Variants in NCAM2 observed in about 807,000 individuals in gnomAD.
NCAM2 encodes N-CAM-2.
Under a neutral mutation model 98.1 loss-of-function variants are expected in NCAM2, and 30 were observed. The observed-to-expected ratio is 0.31, with a 90% CI of 0.23 to 0.41. NCAM2 has a LOEUF of 0.41. Ranked by LOEUF, NCAM2 falls within the 10% of genes least tolerant of loss-of-function variation. The pLI is 1.00. For missense variants in NCAM2, 867 were observed against 1,005.8 expected (o/e 0.86, Z 1.87); for synonymous variants, 368 against 342.4 (o/e 1.07, Z -0.83).
chr21:21,008,288 G>A (rs1161359208), intron 1 of NCAM2, among the ~76,000 whole-genome samples: 2 of 152,080 alleles, frequency 1.3e-5, no homozygotes, highest in African/African-American at 4.8e-5. Context: ...CTGGCTTCAT[G>A]CTACTTATTC....
chr21:21,178,438 A>G (rs2068364666), intron 1 of NCAM2, among the ~76,000 whole-genome samples: 2 of 152,060 alleles, frequency 1.3e-5, no homozygotes, highest in South Asian at 4.1e-4. Context: ...TTCCTCTACA[A>G]TTTTTAATTT....
intron 12 of NCAM2, among the ~76,000 whole-genome samples, chr21:21,453,903 T>C (rs895011749): frequency 2.0e-5 from 3 of 152,058 alleles, no homozygotes; most frequent in East Asian, 1.9e-4. Flanking sequence ...GTTTCTTTCT[T>C]CGGTATGGTG....
At chr21:21,256,104 T>TGGGCGC (rs1359355960) in intron 1 of NCAM2, among the ~76,000 whole-genome samples, 2 of 152,078 alleles carry the variant, frequency 1.3e-5, no homozygotes, top group Admixed American at 6.6e-5. Context: ...CCTGTAATCC[T>TGGGCGC]AGCACTTTGG....
intron 12 of NCAM2, among the ~76,000 whole-genome samples, chr21:21,450,120 C>G (rs1031090335): frequency 1.3e-5 from 2 of 151,886 alleles, no homozygotes; most frequent in Non-Finnish European, 1.5e-5. Context: ...GATCAATCAT[C>G]AGGGTACACA....
chr21:21,368,957 T>C (rs189938436), intron 8 of NCAM2, among the ~76,000 whole-genome samples: 1 of 152,012 alleles, frequency 6.6e-6, no homozygotes, highest in African/African-American at 2.4e-5. Context: ...ATATTTACCT[T>C]TTCACAGTGT....
chr21:21,309,082 G>C, intron 5 of NCAM2, among the ~76,000 whole-genome samples: 1 of 152,098 alleles, frequency 6.6e-6, no homozygotes, highest in East Asian at 1.9e-4. Flanking sequence ...CTTTCATCTA[G>C]ATTTTTGGTT....
At chr21:21,142,911 T>G (rs1276058901) in intron 1 of NCAM2, among the ~76,000 whole-genome samples, 1 of 152,222 alleles carries the variant, frequency 6.6e-6, no homozygotes, top group African/African-American at 2.4e-5. Context: ...TTAAACTGTA[T>G]TTTTGTAGAC....
In NCAM2 at chr21:21,404,213, A is replaced by C. The variant is rs189913786; in HGVS notation, c.1196-6061A>C. On this transcript the variant is annotated intron_variant, in intron 9 of 17. Transcript: ENST00000400546. ...TGTGAGGCATACGTGTTTACTGTAG[A>C]GTGAATATATGTGTGTAAACAATAT... 7.2e-5 allele frequency among the ~76,000 whole-genome samples: 11 copies of C among 152,308 alleles called. No individual in the cohort carries two copies. In the East Asian group the frequency reaches 2.1e-3, roughly 29 times the overall value.
At chr21:21,453,306 A>G (rs544905684) in intron 12 of NCAM2, among the ~76,000 whole-genome samples, 1 of 151,612 alleles carries the variant, frequency 6.6e-6, no homozygotes, top group South Asian at 2.1e-4. Flanking sequence ...AGAGTCCCAT[A>G]TGAAGTGAGG....
In NCAM2 at chr21:21,537,774, A is replaced by C. The variant is rs533735387; in HGVS notation, c.2403-72A>C. The C allele has an allele frequency of 6.1e-4, 413 of 675,106 alleles. No homozygotes were observed. The African/African-American group carries it at 6.9e-3, about 11-fold the overall frequency. 41.8% of individuals were successfully genotyped at this position (675,106 alleles called of 1,614,324 possible). ...TTGGAGCATATTTTCCTTACAAAACAGTAACTTAAAGGTTAAGGTACGTCT... is the reference window on the plus strand; with the variant it reads ...TTGGAGCATATTTTCCTTACAAAACCGTAACTTAAAGGTTAAGGTACGTCT... On this transcript the variant is annotated intron_variant, in intron 17 of 17. Coordinates refer to ENST00000400546, the MANE Select transcript of NCAM2 (RefSeq NM_004540.5).
chr21:21,480,366 C>CAAAAAAAAAAAAAAAAAAAA (rs59203448), intron 15 of NCAM2, among the ~76,000 whole-genome samples: 13 of 69,946 alleles, frequency 1.9e-4, no homozygotes, highest in African/African-American at 7.8e-4. Context: ...GACTCCATCT[C>CAAAAAAAAAAAAAAAAAAAA]AAAAAAAAAA....
At chr21:21,409,247 A>G (rs532878444) in intron 9 of NCAM2, among the ~76,000 whole-genome samples, 1 of 152,284 alleles carries the variant, frequency 6.6e-6, no homozygotes, top group South Asian at 2.1e-4. Context: ...GAGTGAAAAC[A>G]ACATTTGTAT....
chr21:21,384,133 T>C (rs776778732), intron 9 of NCAM2, among the ~76,000 whole-genome samples: 1 of 152,040 alleles, frequency 6.6e-6, no homozygotes, highest in African/African-American at 2.4e-5. Flanking sequence ...TTTAGAGTTA[T>C]ATGTTTAAAG....
At chr21:21,398,259 A>T (rs568040140) in intron 9 of NCAM2, among the ~76,000 whole-genome samples, 1 of 152,256 alleles carries the variant, frequency 6.6e-6, no homozygotes, top group African/African-American at 2.4e-5. Flanking sequence ...TGGGGACTGA[A>T]GGGAAAGGGT....
chr21:21,021,639 C>CA lies in NCAM2; in HGVS notation c.55+23022dup, dbSNP rs578005536. 5.9e-4 allele frequency among the ~76,000 whole-genome samples: 90 copies of CA among 152,264 alleles called. 1 individual carries two copies. Among genetic ancestry groups the CA allele is most frequent in the African/African-American group, 2.1e-3 (87 of 41,566 alleles). ...TCCAGGGGTAGCTTTTTTAATCTTT[C>CA]ACAAGCTGGTATTTTTTAATCTATT... On this transcript the variant is annotated intron_variant, in intron 1 of 17. Coordinates refer to ENST00000400546, the MANE Select transcript of NCAM2 (RefSeq NM_004540.5).
intron 12 of NCAM2, among the ~76,000 whole-genome samples, chr21:21,447,596 A>C (rs149131042): frequency 6.6e-6 from 1 of 152,296 alleles, no homozygotes; most frequent in East Asian, 1.9e-4. Flanking sequence ...CTATCATCAG[A>C]GTGAACAGGC....
At position 21,540,781 on chromosome 21, in the gene NCAM2, T is replaced by G. The variant is rs1990201336; in HGVS notation, c.*2824T>G. The stretch of plus-strand genomic sequence containing the variant: ...ATATCACCTAAAACTTGGTATTTCT[T>G]GATAGGTTAGGTGCAATTAGGCAGT... On this transcript the variant is annotated 3_prime_UTR_variant, in exon 18 of 18. Transcript: ENST00000400546. 6.6e-6 allele frequency: 1 copy of G among 151,990 alleles called. No individual in the cohort carries two copies. The highest frequency in any genetic ancestry group is 2.1e-4 in the South Asian group (1 of 4,834). 9.4% of individuals were successfully genotyped at this position (151,990 alleles called of 1,614,324 possible). A position where few individuals can be genotyped will look rare whatever the true frequency, so the allele number is the denominator to read the frequency against.
rs544779954 is a variant in NCAM2, at chr21:21,244,584, C to T, written c.56-35994C>T. Among the ~76,000 whole-genome samples the T allele has an allele frequency of 3.7e-4, 57 of 152,224 alleles. 1 individual carries two copies. In the South Asian group the frequency reaches 6.0e-3, roughly 16 times the overall value. On this transcript the variant is annotated intron_variant, in intron 1 of 17. Coordinates refer to ENST00000400546, the MANE Select transcript of NCAM2 (RefSeq NM_004540.5). ...AAAAAACAGGCCGAGTGCGGTGGCT[C>T]ATGCCTGTAATCCCAGCACTTTGGG...
intron 1 of NCAM2, among the ~76,000 whole-genome samples, chr21:21,083,130 A>G (rs934362811): frequency 1.1e-4 from 16 of 152,206 alleles, no homozygotes; most frequent in African/African-American, 3.9e-4. Context: ...AACAACAGCA[A>G]GAGTAGTAAT....
Sources: allele counts gnomAD v4.1 joint callset (sites outside exome capture counted in the v4.1 genomes callset), GRCh38; gene constraint gnomAD v4.1.1; transcripts MANE v1.5; gene names NCBI Gene and HGNC (gene_info 2026-07-23, HGNC 2026-07-21).